The following KIAA1217 variants were observed in gnomAD, a reference collection of about 807,000 sequenced individuals.
The protein encoded by KIAA1217 is KIAA1217, also known as sickle tail protein homolog.
KIAA1217 carries 88 observed loss-of-function variants against 163.9 expected under a neutral mutation model. The observed-to-expected ratio is 0.54, with a 90% CI of 0.45 to 0.64. The LOEUF is 0.64. KIAA1217 is among the 30% of genes least tolerant of loss of function. The pLI is 0.00. For missense variants in KIAA1217, 2,372 were observed against 2,475.0 expected, an observed-to-expected ratio of 0.96 and a Z score of 0.88; for synonymous variants, 903 against 923.1, an observed-to-expected ratio of 0.98 and a Z score of 0.39.
At chr10:24,349,705 A>T (rs2048220972) in intron 2 of KIAA1217, among the ~76,000 whole-genome samples, 1 of 152,216 alleles carries the variant, frequency 6.6e-6, no homozygotes, top group Non-Finnish European at 1.5e-5. Context: ...CATTAAGGAA[A>T]ATGAGTCACT....
At chr10:24,074,855 T>C (rs1232077655) in intron 2 of KIAA1217, among the ~76,000 whole-genome samples, 1 of 151,930 alleles carries the variant, frequency 6.6e-6, no homozygotes, top group African/African-American at 2.4e-5. Flanking sequence ...TGCATCAACA[T>C]GCTTGGCTAA....
At chr10:24,405,320 A>G (rs1187112216) in intron 3 of KIAA1217, among the ~76,000 whole-genome samples, 1 of 152,194 alleles carries the variant, frequency 6.6e-6, no homozygotes, top group African/African-American at 2.4e-5. Context: ...AAAAATACAT[A>G]TACTTCTCTA....
chr10:23,950,310 C>G (rs1240753937), intron 1 of KIAA1217, among the ~76,000 whole-genome samples: 1 of 152,028 alleles, frequency 6.6e-6, no homozygotes, highest in Non-Finnish European at 1.5e-5. Flanking sequence ...AAGCAGCTTA[C>G]AAAAAAAGTT....
chr10:24,257,541 A>G (rs1413221909), intron 2 of KIAA1217, among the ~76,000 whole-genome samples: 1 of 152,162 alleles, frequency 6.6e-6, no homozygotes, highest in Non-Finnish European at 1.5e-5. Context: ...ATTACCACCT[A>G]GTGAAGTCTA....
chr10:23,802,666 C>T (rs1588850817), intron 1 of KIAA1217, among the ~76,000 whole-genome samples: 1 of 152,184 alleles, frequency 6.6e-6, no homozygotes, highest in Non-Finnish European at 1.5e-5. Flanking sequence ...ATATACTGAT[C>T]AAGTACAGAG....
At chr10:24,447,919 CAA>C (rs2061078012) in intron 5 of KIAA1217, among the ~76,000 whole-genome samples, 1 of 152,208 alleles carries the variant, frequency 6.6e-6, no homozygotes, top group African/African-American at 2.4e-5. Context: ...ATCACGAGGT[CAA>C]GAGATCAAGA....
At chr10:24,328,910 C>T (rs911771724) in intron 2 of KIAA1217, among the ~76,000 whole-genome samples, 2 of 151,848 alleles carry the variant, frequency 1.3e-5, no homozygotes, top group African/African-American at 4.8e-5. Context: ...TAACTGATGA[C>T]ATAACTTTAT....
chr10:23,722,668 C>T (rs1417977945), intron 1 of KIAA1217, among the ~76,000 whole-genome samples: 3 of 152,260 alleles, frequency 2.0e-5, no homozygotes, highest in Non-Finnish European at 4.4e-5. Context: ...TCTGTAATTT[C>T]ATTTTAATAC....
At chr10:24,335,147 A>G (rs2133664247) in intron 2 of KIAA1217, among the ~76,000 whole-genome samples, 1 of 152,348 alleles carries the variant, frequency 6.6e-6, no homozygotes, top group Middle Eastern at 3.4e-3. Flanking sequence ...GAAAAAAGCC[A>G]GCCAGAGGAC....
At chr10:24,321,042 A>G (rs1016716290) in intron 2 of KIAA1217, among the ~76,000 whole-genome samples, 4 of 146,594 alleles carry the variant, frequency 2.7e-5, no homozygotes, top group Middle Eastern at 3.6e-3. Context: ...GCGAGACTCC[A>G]TCTCAAAAAA....
chr10:24,196,172 C>CACACACACACACACACACACACACAT (rs1222471443), intron 2 of KIAA1217, among the ~76,000 whole-genome samples: 116 of 146,648 alleles, frequency 7.9e-4, no homozygotes, highest in African/African-American at 2.7e-3. Flanking sequence ...CACACACACA[C>CACACACACACACACACACACACACAT]TGCCCTCACA....
intron 1 of KIAA1217, among the ~76,000 whole-genome samples, chr10:23,763,074 C>T (rs1243982240): frequency 1.3e-5 from 2 of 152,070 alleles, no homozygotes; most frequent in African/African-American, 4.8e-5. Context: ...AGGACCTATT[C>T]AAGGAGAACT....
chr10:24,224,654 C>T (rs2070200386), intron 2 of KIAA1217, among the ~76,000 whole-genome samples: 1 of 151,856 alleles, frequency 6.6e-6, no homozygotes, highest in Non-Finnish European at 1.5e-5. Flanking sequence ...TCAGTTTCCT[C>T]GTTTGTCAAA....
chr10:24,492,955 C>G (rs1370261052), intron 6 of KIAA1217, among the ~76,000 whole-genome samples: 2 of 152,014 alleles, frequency 1.3e-5, no homozygotes, highest in Non-Finnish European at 2.9e-5. Flanking sequence ...CCGTGATTCT[C>G]CTGCCTCAGC....
At chr10:24,168,063 C>G (rs1232203398) in intron 2 of KIAA1217, among the ~76,000 whole-genome samples, 1 of 152,132 alleles carries the variant, frequency 6.6e-6, no homozygotes, top group African/African-American at 2.4e-5. Flanking sequence ...TGAACCATGA[C>G]CTCTGTTAAT....
chr10:24,453,424 C>T (rs1400240528), intron 5 of KIAA1217, among the ~76,000 whole-genome samples: 2 of 152,174 alleles, frequency 1.3e-5, no homozygotes, highest in Non-Finnish European at 2.9e-5. Flanking sequence ...ATTGGAAATG[C>T]ATGAGCCTGG....
chr10:24,536,791 CT>C lies in KIAA1217; in HGVS notation c.3435del (p.Phe1145LeufsTer4). The C allele has an allele frequency of 6.2e-7, 1 of 1,613,680 alleles. No homozygotes were observed. Among genetic ancestry groups the C allele is most frequent in the Non-Finnish European group, 8.5e-7 (1 of 1,179,674 alleles). On this transcript the variant is annotated frameshift_variant, in exon 17 of 21. Transcript: ENST00000376454. LOFTEE classifies it high-confidence loss of function. ...AELQAFQKCSFMDVNSNSHAE... is the reference protein window; with the variant it reads ...AELQAFQKCSXMDVNSNSHAE... Reference sequence around the variant, plus strand: ...TTCCTTAGGCATTCCAGAAGTGTTCCTTTATGGATGTAAATTCAAACAGTCA... The same window carrying C: ...TTCCTTAGGCATTCCAGAAGTGTTCCTTATGGATGTAAATTCAAACAGTCA...
intron 1 of KIAA1217, among the ~76,000 whole-genome samples, chr10:23,755,596 A>G (rs941894837): frequency 8.5e-5 from 13 of 152,320 alleles, no homozygotes; most frequent in Middle Eastern, 3.4e-3. Context: ...CTGTGAATGC[A>G]AAGCAAAAAC....
chr10:24,525,747 G>C (rs984993517), intron 13 of KIAA1217, among the ~76,000 whole-genome samples: 2 of 152,188 alleles, frequency 1.3e-5, no homozygotes, highest in Non-Finnish European at 2.9e-5. Flanking sequence ...CCAGCACTTT[G>C]GGAGGCCGAG....
Sources: allele counts gnomAD v4.1 joint callset (sites outside exome capture counted in the v4.1 genomes callset), GRCh38; gene constraint gnomAD v4.1.1; transcripts MANE v1.5; gene names NCBI Gene and HGNC (gene_info 2026-07-23, HGNC 2026-07-21).